RAPGEF6: variants seen among roughly 807,000 people sequenced by gnomAD.
RAPGEF6 encodes the protein Rap guanine nucleotide exchange factor 6.
In RAPGEF6, 56 loss-of-function variants were observed where a neutral mutation model predicts 171.4. The ratio of observed to expected loss-of-function variants is 0.33; its 90% CI spans 0.26 to 0.41. The LOEUF (loss-of-function observed/expected upper bound fraction) is 0.41. RAPGEF6 is among the 10% of genes least tolerant of loss of function. RAPGEF6 has a pLI of 1.00. For missense variants in RAPGEF6, 1,674 were observed against 1,921.4 expected (o/e 0.87, Z 2.41); for synonymous variants, 692 against 650.1 (o/e 1.06, Z -0.98).
At chr5:131,547,751 C>T (rs1207985200) in intron 6 of RAPGEF6, among the ~76,000 whole-genome samples, 2 of 151,718 alleles carry the variant, frequency 1.3e-5, no homozygotes, top group East Asian at 1.9e-4. Context: ...CCTTGTGATC[C>T]GCCCGCCTAG....
chr5:131,503,960 C>T (rs1580930656), intron 11 of RAPGEF6, among the ~76,000 whole-genome samples: 1 of 152,118 alleles, frequency 6.6e-6, no homozygotes, highest in Non-Finnish European at 1.5e-5. Flanking sequence ...GCATCTTAAT[C>T]TAGGATTACT....
At chr5:131,467,860 G>A (rs904264210) in intron 17 of RAPGEF6, among the ~76,000 whole-genome samples, 8 of 152,024 alleles carry the variant, frequency 5.3e-5, no homozygotes, top group Non-Finnish European at 8.8e-5. Flanking sequence ...GGAGAAGCCC[G>A]CCTCCACAAA....
At chr5:131,621,777 C>T (rs1765607971) in intron 1 of RAPGEF6, among the ~76,000 whole-genome samples, 2 of 152,218 alleles carry the variant, frequency 1.3e-5, no homozygotes, top group South Asian at 4.2e-4. Flanking sequence ...GTTGAATCCA[C>T]AAATGCAAAA....
rs910835032 is a variant in RAPGEF6 at position 131,425,960 on chromosome 5, GAAA to G, written c.*1303_*1305del. ...CACTTGCTTTTACATTAAAAAAACT[GAAA>G]AAATTAAACTTAATATATATAAAAT... On this transcript the variant is annotated 3_prime_UTR_variant, in exon 28 of 28. Transcript: ENST00000509018. The G allele has an allele frequency of 3.4e-5, 4 of 117,512 alleles. No homozygotes were observed. Among genetic ancestry groups the G allele is most frequent in the African/African-American group, 1.3e-4 (4 of 29,856 alleles). The allele number at this position is 117,512 out of a possible 1,614,324, so 7.3% of individuals were successfully genotyped here. A position where few individuals can be genotyped will look rare whatever the true frequency, so the allele number is the denominator to read the frequency against.
chr5:131,484,741 GTAA>G (rs546123653), intron 15 of RAPGEF6, among the ~76,000 whole-genome samples: 19 of 152,042 alleles, frequency 1.2e-4, no homozygotes, highest in Admixed American at 5.2e-4. Flanking sequence ...ACAGATTATG[GTAA>G]TAATAGAATT....
Position 131,479,625 on chromosome 5 carries a change from G to T in RAPGEF6, c.1969C>A (p.Gln657Lys). The T allele has an allele frequency of 6.2e-7, 1 of 1,613,868 alleles. No individual in the cohort carries two copies. The highest frequency in any genetic ancestry group is 2.2e-5 in the East Asian group (1 of 44,842). Residue 657 changes from glutamine (Q) to lysine (K), a missense_variant, in exon 16 of 28, where the codon CAG becomes AAG. Gln to Lys is a moderately conservative substitution (Grantham distance 53, BLOSUM62 1). Around this residue, in one of 3 missense-constraint regions of RAPGEF6, gnomAD observed 1,116 missense variants for 1,321.5 expected, o/e 0.84. Transcript: ENST00000509018. ...TTAACTTTCTTACTTCCTTTCTCCT[G>T]TGATGTCTGTTCAATATCTCCTGGC... Reference protein sequence around the residue: ...HVPGDIEQTSQEKGSKKVKAN... With the variant: ...HVPGDIEQTSKEKGSKKVKAN...
At chr5:131,515,884 G>A (rs1325612107) in intron 7 of RAPGEF6, among the ~76,000 whole-genome samples, 1 of 152,016 alleles carries the variant, frequency 6.6e-6, no homozygotes, top group Non-Finnish European at 1.5e-5. Flanking sequence ...GAGGTAAAAG[G>A]CTTGGAATTT....
chr5:131,555,344 C>T (rs1317494037), intron 5 of RAPGEF6, among the ~76,000 whole-genome samples: 1 of 151,078 alleles, frequency 6.6e-6, no homozygotes, highest in African/African-American at 2.4e-5. Context: ...TGCTTCTAAA[C>T]TTTTGCAATG....
chr5:131,519,806 AAC>A (rs1758355986), intron 7 of RAPGEF6, among the ~76,000 whole-genome samples: 2 of 152,210 alleles, frequency 1.3e-5, no homozygotes. Flanking sequence ...CTTCTGGAAA[AAC>A]ACAGTCTACT....
In RAPGEF6 at chr5:131,461,916, T is replaced by G. The variant is rs138160991; in HGVS notation, c.2653A>C (p.Ile885Leu). ...GAATTTAACTTAAAAAGGTCATCGA[T>G]GTACTCAGTCGGTTCAATATTACGA... ...LFRNIEPTEY[I>L]DDLFKLNSKT... Residue 885 changes from isoleucine to leucine, a missense_variant, in exon 19 of 28, where the codon ATC (isoleucine) becomes CTC (leucine). Around this residue, in one of 3 missense-constraint regions of RAPGEF6, gnomAD observed 1,116 missense variants for 1,321.5 expected, o/e 0.84. Transcript: ENST00000509018. 2.0e-5 allele frequency: 33 copies of G among 1,614,060 alleles called. No homozygotes were observed. In the South Asian group the frequency reaches 3.4e-4, roughly 17 times the overall value.
At chr5:131,600,478 C>T (rs1173639968) in intron 3 of RAPGEF6, among the ~76,000 whole-genome samples, 4 of 150,494 alleles carry the variant, frequency 2.7e-5, no homozygotes, top group Non-Finnish European at 3.0e-5. Context: ...GCCGAGATCG[C>T]GCCACTGCAC....
At chr5:131,581,764 T>A (rs1315347816) in intron 4 of RAPGEF6, among the ~76,000 whole-genome samples, 4 of 152,286 alleles carry the variant, frequency 2.6e-5, no homozygotes, top group African/African-American at 9.6e-5. Context: ...ATTCCCCCAG[T>A]CCTTGTGATA....
chr5:131,612,848 T>C lies in RAPGEF6; in HGVS notation c.70-8155A>G, dbSNP rs531308052. On this transcript the variant is annotated intron_variant, in intron 1 of 27. Transcript: ENST00000509018. ...CTTCGGCACATCATTAACAATGCCA[T>C]GAATATATGAGAAAGAATTAGAAAT... 7.9e-5 allele frequency among the ~76,000 whole-genome samples: 12 copies of C among 152,296 alleles called. No individual in the cohort carries two copies. In the South Asian group the frequency reaches 2.5e-3, roughly 32 times the overall value.
At chr5:131,460,380 G>C (rs1753832175) in intron 19 of RAPGEF6, among the ~76,000 whole-genome samples, 1 of 152,016 alleles carries the variant, frequency 6.6e-6, no homozygotes, top group African/African-American at 2.4e-5. Context: ...ATGGTTTTTA[G>C]ACCTCTACCA....
At chr5:131,436,227 G>A in intron 24 of RAPGEF6, 1 of 1,537,536 alleles carries the variant, frequency 6.5e-7, no homozygotes, top group Non-Finnish European at 8.7e-7. Flanking sequence ...AACTTGTCCT[G>A]TCTCTATTCT....
intron 12 of RAPGEF6, among the ~76,000 whole-genome samples, chr5:131,497,659 G>A (rs979286660): frequency 1.4e-4 from 22 of 152,206 alleles, no homozygotes; most frequent in African/African-American, 5.3e-4. Context: ...TTAATTCTAA[G>A]AAAAAGGGTG....
At chr5:131,518,463 T>C (rs1317261477) in intron 7 of RAPGEF6, among the ~76,000 whole-genome samples, 1 of 151,570 alleles carries the variant, frequency 6.6e-6, no homozygotes, top group African/African-American at 2.4e-5. Context: ...AATGGCGTGA[T>C]CTTGGGTCAC....
chr5:131,446,399 T>C (rs1752692348), intron 22 of RAPGEF6, 84 bp downstream of exon 22: 2 of 1,302,326 alleles, frequency 1.5e-6, no homozygotes, highest in South Asian at 2.9e-5. Flanking sequence ...GTTAATTTTC[T>C]TGGGACTTAG....
rs1359223169 is a variant in RAPGEF6 at position 131,505,528 on chromosome 5, G to A, written c.943-6C>T. Reference sequence around the variant, plus strand: ...ATAACATACCATGAGTCAAGCTATAGAGAAAAACAAAGGTTTTATGAATCT... The same window carrying A: ...ATAACATACCATGAGTCAAGCTATAAAGAAAAACAAAGGTTTTATGAATCT... On this transcript the variant is annotated splice_polypyrimidine_tract_variant and splice_region_variant and intron_variant, in intron 9 of 27. Transcript: ENST00000509018. The A allele has an allele frequency of 3.1e-6, 5 of 1,606,844 alleles. No homozygotes were observed. Among genetic ancestry groups the A allele is most frequent in the Admixed American group, 1.7e-5 (1 of 58,582 alleles).
Sources: gnomAD v4.1 joint callset for allele counts (sites outside exome capture counted in the v4.1 genomes callset) on GRCh38, gnomAD v4.1.1 for gene constraint, gnomAD v4.1.1 regional missense constraint, MANE v1.5 for transcripts, NCBI Gene and HGNC (gene_info 2026-07-23, HGNC 2026-07-21) for gene names.